Variants in DCC observed in about 807,000 individuals in gnomAD.
The protein encoded by DCC is DCC netrin 1 receptor.
DCC carries 58 observed loss-of-function variants against 172.5 expected under a neutral mutation model. That is an observed-to-expected ratio of 0.34 (90% confidence interval 0.27 to 0.42). The LOEUF (loss-of-function observed/expected upper bound fraction) is 0.42. Among genes scored for constraint, DCC ranks in the 10% least tolerant of loss-of-function variants. The pLI is 1.00. For synonymous variants in DCC, 709 were observed against 644.5 expected, an observed-to-expected ratio of 1.10 and a Z score of -1.52; for missense variants, 1,740 against 1,791.0, an observed-to-expected ratio of 0.97 and a Z score of 0.51.
chr18:52,782,222 G>C lies in DCC; in HGVS notation c.412+29848G>C, dbSNP rs184578852. 1.8e-3 allele frequency among the ~76,000 whole-genome samples: 281 copies of C among 152,178 alleles called. 2 individuals carry two copies. The highest frequency in any genetic ancestry group is 1.0e-3 in the Non-Finnish European group (70 of 68,002). On this transcript the variant is annotated intron_variant, in intron 2 of 28. Coordinates refer to ENST00000442544, the MANE Select transcript of DCC (RefSeq NM_005215.4). ...AAAGGACCCCTATATAGTTCAACAGGCTCCTTCAAATGCAGTGCATTTTAA... is the reference window on the plus strand; with the variant it reads ...AAAGGACCCCTATATAGTTCAACAGCCTCCTTCAAATGCAGTGCATTTTAA...
At chr18:52,861,177 G>C (rs1202301051) in intron 2 of DCC, among the ~76,000 whole-genome samples, 1 of 152,126 alleles carries the variant, frequency 6.6e-6, no homozygotes, top group Non-Finnish European at 1.5e-5. Flanking sequence ...TTTTCTAGAG[G>C]TTTCAAAATA....
At chr18:53,474,299 A>C (rs1599191926) in intron 25 of DCC, among the ~76,000 whole-genome samples, 1 of 152,336 alleles carries the variant, frequency 6.6e-6, no homozygotes, top group South Asian at 2.1e-4. Flanking sequence ...AAAATTATAC[A>C]AAACAATATG....
At chr18:52,478,711 A>G (rs1989167577) in intron 1 of DCC, among the ~76,000 whole-genome samples, 1 of 152,168 alleles carries the variant, frequency 6.6e-6, no homozygotes, top group Non-Finnish European at 1.5e-5. Flanking sequence ...AGCAGGAGAG[A>G]TCATCAGGGG....
chr18:52,954,436 C>A (rs2040708418), intron 5 of DCC, among the ~76,000 whole-genome samples: 1 of 151,774 alleles, frequency 6.6e-6, no homozygotes, highest in Non-Finnish European at 1.5e-5. Flanking sequence ...TTATTTTATT[C>A]TGCCAATAGT....
intron 1 of DCC, among the ~76,000 whole-genome samples, chr18:52,467,781 C>T (rs974159462): frequency 6.6e-6 from 1 of 152,154 alleles, no homozygotes; most frequent in African/African-American, 2.4e-5. Context: ...GTTTGATTTG[C>T]ATTTCTCTAA....
intron 7 of DCC, among the ~76,000 whole-genome samples, chr18:53,070,916 AGAGGCCAGCTATAAATTAAGCAAT>A (rs1182322938): frequency 2.6e-5 from 4 of 152,222 alleles, no homozygotes; most frequent in Non-Finnish European, 4.4e-5. Flanking sequence ...CAGATGGTAG[AGAGGCCAGCTATAAATTAAGCAAT>A]GAGGCTGACC....
chr18:52,526,482 T>C (rs1221990), intron 1 of DCC, among the ~76,000 whole-genome samples: 46,913 of 151,032 alleles, frequency 0.31, 7,409 homozygotes, highest in African/African-American at 0.35. Context: ...CTTTAAGAGG[T>C]TTCTGAGGGC....
intron 7 of DCC, among the ~76,000 whole-genome samples, chr18:53,139,540 C>T (rs918078458): frequency 1.3e-5 from 2 of 152,014 alleles, no homozygotes; most frequent in African/African-American, 4.8e-5. Context: ...TCTTGAATAC[C>T]TTTTTTGTTT....
chr18:53,277,157 T>C (rs1001468261), intron 12 of DCC, among the ~76,000 whole-genome samples: 2 of 152,118 alleles, frequency 1.3e-5, no homozygotes, highest in Non-Finnish European at 2.9e-5. Flanking sequence ...AGATTAATAT[T>C]GTGTGCCTCT....
chr18:53,062,275 G>A (rs1484679525), intron 5 of DCC, among the ~76,000 whole-genome samples: 5 of 152,082 alleles, frequency 3.3e-5, no homozygotes, highest in African/African-American at 1.2e-4. Context: ...GGTGTCAGGA[G>A]AAAGTTTTTC....
intron 7 of DCC, among the ~76,000 whole-genome samples, chr18:53,133,773 A>G (rs1483736867): frequency 6.6e-6 from 1 of 152,180 alleles, no homozygotes; most frequent in Admixed American, 6.5e-5. Flanking sequence ...AACATCTTCA[A>G]ATAGGAAACC....
At chr18:52,951,440 C>T (rs1294881267) in intron 5 of DCC, among the ~76,000 whole-genome samples, 1 of 151,506 alleles carries the variant, frequency 6.6e-6, no homozygotes, top group African/African-American at 2.4e-5. Flanking sequence ...CCTTGCCTCC[C>T]ACCCCCCGAC....
At chr18:52,601,505 G>A (rs2034017643) in intron 1 of DCC, among the ~76,000 whole-genome samples, 1 of 151,896 alleles carries the variant, frequency 6.6e-6, no homozygotes, top group Admixed American at 6.6e-5. Flanking sequence ...TACTTCCGAA[G>A]CCTCTAATTA....
chr18:52,499,847 TC>T (rs2030950637), intron 1 of DCC, among the ~76,000 whole-genome samples: 2 of 152,126 alleles, frequency 1.3e-5, no homozygotes, highest in Non-Finnish European at 2.9e-5. Context: ...AGATGGGGAC[TC>T]GGGTAAGGTC....
At chr18:52,496,434 A>C (rs2030753507) in intron 1 of DCC, among the ~76,000 whole-genome samples, 1 of 152,196 alleles carries the variant, frequency 6.6e-6, no homozygotes, top group Non-Finnish European at 1.5e-5. Flanking sequence ...GAATATAGTC[A>C]AAACATCAGA....
chr18:52,891,769 A>G (rs2039653907), intron 2 of DCC, among the ~76,000 whole-genome samples: 1 of 152,008 alleles, frequency 6.6e-6, no homozygotes, highest in East Asian at 1.9e-4. Context: ...TTATACATCA[A>G]AATATAGCTA....
chr18:52,343,804 G>A (rs967409789), intron 1 of DCC, among the ~76,000 whole-genome samples: 19 of 152,184 alleles, frequency 1.2e-4, no homozygotes, highest in South Asian at 8.3e-4. Context: ...CTCCCTAGGC[G>A]ACCTCTTCTC....
chr18:52,956,747 T>A (rs553669847), intron 5 of DCC, among the ~76,000 whole-genome samples: 11 of 152,284 alleles, frequency 7.2e-5, no homozygotes, highest in Non-Finnish European at 1.5e-4. Flanking sequence ...TCTCAATTTA[T>A]TTAGTTTTTC....
chr18:52,414,666 A>T (rs2144412043), intron 1 of DCC, among the ~76,000 whole-genome samples: 2 of 152,292 alleles, frequency 1.3e-5, no homozygotes, highest in Middle Eastern at 3.4e-3. Flanking sequence ...AAGCCATGAG[A>T]CTCATGCAAG....
Sources: allele counts gnomAD v4.1 joint callset (sites outside exome capture counted in the v4.1 genomes callset), GRCh38; gene constraint gnomAD v4.1.1; transcripts MANE v1.5; gene names NCBI Gene and HGNC (gene_info 2026-07-23, HGNC 2026-07-21).